The following NR1I2 variants were observed in gnomAD, a reference collection of about 807,000 sequenced individuals.
NR1I2 encodes orphan nuclear receptor PAR1.
A neutral mutation model predicts 43.3 loss-of-function variants in NR1I2; 42 were observed. That is an observed-to-expected ratio of 0.97 (90% CI 0.76 to 1.26). The LOEUF is 1.26. Among genes scored for constraint, NR1I2 ranks in the 50% most tolerant of loss-of-function variants. The pLI, the probability that NR1I2 is intolerant of heterozygous loss-of-function variation, is 0.00. For missense variants in NR1I2, 559 were observed against 566.7 expected (o/e 0.99, Z 0.14); for synonymous variants, 229 against 215.0 (o/e 1.06, Z -0.57).
chr3:119,792,508 C>T, intron 1 of NR1I2: 1 of 1,084,462 alleles, frequency 9.2e-7, no homozygotes. Flanking sequence ...GGAACATCAC[C>T]AATCTGCCGG....
chr3:119,818,086 T>C lies in NR1I2; in HGVS notation c.*874T>C, dbSNP rs1378389405. The C allele has an allele frequency of 2.0e-6, 2 of 985,332 alleles. No homozygotes were observed. Among genetic ancestry groups the C allele is most frequent in the African/African-American group, 3.5e-5 (2 of 57,210 alleles). 61.0% of individuals were successfully genotyped at this position (985,332 alleles called of 1,614,324 possible). A position where few individuals can be genotyped will look rare whatever the true frequency, so the allele number is the denominator to read the frequency against. On this transcript the variant is annotated 3_prime_UTR_variant, in exon 9 of 9. Transcript: ENST00000393716. ...ACCCAAGTGAAGGTTCCCAAGGACA[T>C]GAGTCTGTAGGAGCAAGGGCACAAA...
intron 1 of NR1I2, among the ~76,000 whole-genome samples, chr3:119,794,125 T>G (rs1004966907): frequency 3.9e-5 from 6 of 152,110 alleles, no homozygotes; most frequent in African/African-American, 1.4e-4. Flanking sequence ...TCCTCCCACC[T>G]CAGCCTCCCA....
At chr3:119,791,406 G>A (rs2054917028) in intron 1 of NR1I2, among the ~76,000 whole-genome samples, 2 of 152,148 alleles carry the variant, frequency 1.3e-5, no homozygotes. Context: ...ACACTCCTAT[G>A]TAACACCATT....
chr3:119,808,373 A>ATCT (rs2055190558), intron 2 of NR1I2, among the ~76,000 whole-genome samples: 1 of 152,218 alleles, frequency 6.6e-6, no homozygotes. Context: ...GAGTAAGGAA[A>ATCT]TCTTTCCCAG....
chr3:119,799,708 G>A (rs535539329), intron 1 of NR1I2, among the ~76,000 whole-genome samples: 1 of 152,288 alleles, frequency 6.6e-6, no homozygotes, highest in African/African-American at 2.4e-5. Context: ...GGCTGGGTGT[G>A]GTGGTTCATG....
chr3:119,800,268 T>C (rs865810794), intron 1 of NR1I2, among the ~76,000 whole-genome samples: 38 of 152,356 alleles, frequency 2.5e-4, no homozygotes, highest in Middle Eastern at 6.8e-3. Flanking sequence ...TCCATTGAAT[T>C]GCCTTGCATT....
intron 1 of NR1I2, among the ~76,000 whole-genome samples, chr3:119,788,004 T>G (rs148820405): frequency 3.3e-5 from 5 of 152,172 alleles, no homozygotes; most frequent in Admixed American, 6.5e-5. Flanking sequence ...GTTCCAAAGC[T>G]TGTGCTTTGA....
chr3:119,787,140 A>T (rs1213271145), intron 1 of NR1I2, among the ~76,000 whole-genome samples: 2 of 151,982 alleles, frequency 1.3e-5, no homozygotes, highest in Non-Finnish European at 2.9e-5. Flanking sequence ...ATACAAAAAT[A>T]ATCCAGGTGT....
At chr3:119,801,318 T>C (rs2461822) in intron 1 of NR1I2, among the ~76,000 whole-genome samples, 89,934 of 152,138 alleles carry the variant, frequency 0.59, 26,980 homozygotes, top group Middle Eastern at 0.69. Context: ...CCTTTCAACC[T>C]TCTTCTGATG....
chr3:119,783,414 A>G (rs569242092), intron 1 of NR1I2, among the ~76,000 whole-genome samples: 19 of 151,974 alleles, frequency 1.3e-4, no homozygotes, highest in African/African-American at 4.6e-4. Flanking sequence ...TGGGAGAGGA[A>G]TAGTGCCTGC....
chr3:119,786,137 A>T (rs1305903024), intron 1 of NR1I2, among the ~76,000 whole-genome samples: 1 of 152,218 alleles, frequency 6.6e-6, no homozygotes, highest in African/African-American at 2.4e-5. Flanking sequence ...GACCCTTGGA[A>T]TGCAGACCCA....
At chr3:119,786,941 A>T (rs1010700468) in intron 1 of NR1I2, among the ~76,000 whole-genome samples, 1 of 152,198 alleles carries the variant, frequency 6.6e-6, no homozygotes, top group Non-Finnish European at 1.5e-5. Context: ...TGAAAAAACA[A>T]CTTGCATCAT....
In NR1I2 at chr3:119,810,093, G is replaced by A. The variant is rs2107972237; in HGVS notation, c.230G>A (p.Cys77Tyr). Residue 77 changes from cysteine (C) to tyrosine (Y), a missense_variant, in exon 3 of 9, where the codon TGC becomes TAC. Physicochemically the swap from Cys to Tyr is radical, Grantham distance 194 (BLOSUM62 -2). This residue lies in a region of NR1I2 where 232 missense variants were observed against 236.6 expected (regional missense o/e 0.98). Coordinates refer to ENST00000393716, the MANE Select transcript of NR1I2 (RefSeq NM_003889.4). ...ATGAAACGCAACGCCCGGCTGAGGTGCCCCTTCCGGAAGGGCGCCTGCGAG... is the reference window on the plus strand; with the variant it reads ...ATGAAACGCAACGCCCGGCTGAGGTACCCCTTCCGGAAGGGCGCCTGCGAG... 1 of 1,613,854 alleles carries A rather than the reference G, an allele frequency of 6.2e-7. No individual in the cohort carries two copies. The highest frequency in any genetic ancestry group is 8.5e-7 in the Non-Finnish European group (1 of 1,179,944).
At chr3:119,809,849 T>C (rs1472970934) in intron 2 of NR1I2, among the ~76,000 whole-genome samples, 1 of 152,044 alleles carries the variant, frequency 6.6e-6, no homozygotes, top group Non-Finnish European at 1.5e-5. Flanking sequence ...AAAGGTCTCC[T>C]CCCCGGCTCT....
Position 119,807,222 on chromosome 3 carries a change from T to C in NR1I2, c.-22-7T>C. On this transcript the variant is annotated splice_polypyrimidine_tract_variant and splice_region_variant and intron_variant, in intron 1 of 8. Coordinates refer to ENST00000393716, the MANE Select transcript of NR1I2 (RefSeq NM_003889.4). ...CTTTTCATTCTCTGTGGTTTTCTCA[T>C]TTCTAGTCCAAGAGGCCCAGAAGCA... 1 of 1,612,986 alleles carries C rather than the reference T, an allele frequency of 6.2e-7. No homozygotes were observed. Among genetic ancestry groups the C allele is most frequent in the Non-Finnish European group, 8.5e-7 (1 of 1,179,000 alleles).
chr3:119,785,019 A>G (rs1260985700), intron 1 of NR1I2, among the ~76,000 whole-genome samples: 1 of 152,216 alleles, frequency 6.6e-6, no homozygotes, highest in Non-Finnish European at 1.5e-5. Context: ...TCATCTATAT[A>G]TAGTAAGAGT....
chr3:119,803,054 C>G (rs78897142), intron 1 of NR1I2: 2 of 431,620 alleles, frequency 4.6e-6, no homozygotes, highest in African/African-American at 4.1e-5. Flanking sequence ...CCCCAGAGGC[C>G]GGGTGTGGTG....
Position 119,817,957 on chromosome 3 carries a change from C to G in NR1I2, c.*745C>G. ...CAGAGTTTATAGTTAAAAAAACAAACAGAAACACAAACGATTTGGATCAAA... is the reference window on the plus strand; with the variant it reads ...CAGAGTTTATAGTTAAAAAAACAAAGAGAAACACAAACGATTTGGATCAAA... On this transcript the variant is annotated 3_prime_UTR_variant, in exon 9 of 9. Transcript: ENST00000393716. 1 of 984,952 alleles carries G rather than the reference C, an allele frequency of 1.0e-6. No homozygotes were observed. The highest frequency in any genetic ancestry group is 1.7e-5 in the African/African-American group (1 of 57,274). The allele number at this position is 984,952 out of a possible 1,614,324, so 61.0% of individuals were successfully genotyped here.
chr3:119,786,313 T>C (rs1459551355), intron 1 of NR1I2, among the ~76,000 whole-genome samples: 1 of 152,196 alleles, frequency 6.6e-6, no homozygotes, highest in South Asian at 2.1e-4. Flanking sequence ...GAGGAATGTG[T>C]AGGGAACCTC....
Sources: allele counts gnomAD v4.1 joint callset (sites outside exome capture counted in the v4.1 genomes callset), GRCh38; gene constraint gnomAD v4.1.1; regional missense constraint gnomAD v4.1.1; transcripts MANE v1.5; gene names NCBI Gene and HGNC (gene_info 2026-07-23, HGNC 2026-07-21).